Variants in SPAG16 observed in about 807,000 individuals in gnomAD.
SPAG16 encodes the protein sperm associated antigen 16.
Under a neutral mutation model 80.4 loss-of-function variants are expected in SPAG16, and 86 were observed. The ratio of observed to expected loss-of-function variants is 1.07; its 90% CI spans 0.90 to 1.28. SPAG16 has a LOEUF of 1.28. Among genes scored for constraint, SPAG16 ranks in the 50% most tolerant of loss-of-function variants. The pLI is 0.00. For synonymous variants in SPAG16, 294 were observed against 265.9 expected (o/e 1.11, Z -1.03); for missense variants, 870 against 765.3 (o/e 1.14, Z -1.61).
chr2:213,851,298 T>C (rs2074891256), intron 10 of SPAG16, among the ~76,000 whole-genome samples: 1 of 151,996 alleles, frequency 6.6e-6, no homozygotes, highest in African/African-American at 2.4e-5. Flanking sequence ...TTATTTGAGG[T>C]CAGGAGTTCG....
At position 213,461,407 on chromosome 2, in the gene SPAG16, C is replaced by T. The variant is rs747708221; in HGVS notation, c.943-28556C>T. ...AATTTAAACTTTATCCAGTGGATAG[C>T]GGAGTGCCATTCGATGGTAATACAT... On this transcript the variant is annotated intron_variant, in intron 9 of 15. Coordinates refer to ENST00000331683, the MANE Select transcript of SPAG16 (RefSeq NM_024532.5). 5.9e-5 allele frequency among the ~76,000 whole-genome samples: 9 copies of T among 152,166 alleles called. No homozygotes were observed. In the East Asian group the frequency reaches 7.7e-4, roughly 13 times the overall value.
chr2:213,389,430 T>A (rs1012912612), intron 9 of SPAG16, among the ~76,000 whole-genome samples: 8 of 152,064 alleles, frequency 5.3e-5, no homozygotes, highest in African/African-American at 1.9e-4. Flanking sequence ...TTTTAAAATT[T>A]GGGGCATCGA....
intron 12 of SPAG16, among the ~76,000 whole-genome samples, chr2:213,933,195 TA>T (rs143779745): frequency 0.049 from 7,404 of 152,240 alleles, 249 homozygotes; most frequent in African/African-American, 0.091. Context: ...AAAATAGCTA[TA>T]AAAAATAATT....
chr2:214,022,003 C>G (rs2047893349), intron 13 of SPAG16, among the ~76,000 whole-genome samples: 1 of 152,072 alleles, frequency 6.6e-6, no homozygotes, highest in African/African-American at 2.4e-5. Context: ...TTCACCTTCC[C>G]TCCAAAGCTC....
At chr2:213,968,112 C>T (rs1226154186) in intron 12 of SPAG16, among the ~76,000 whole-genome samples, 6 of 148,874 alleles carry the variant, frequency 4.0e-5, no homozygotes, top group Admixed American at 3.4e-4. Flanking sequence ...CTTTTCTTTT[C>T]CTCCCTCCCT....
At position 213,593,746 on chromosome 2, in the gene SPAG16, C is replaced by CTTTTTTTTTT. The variant is rs541949006; in HGVS notation, c.1070+103693_1070+103702dup. ...TCATACCCCATCATCCCCACCACAT[C>CTTTTTTTTTT]TTTTTTTTTTTTTTTTTTTTTTTTT... On this transcript the variant is annotated intron_variant, in intron 10 of 15. Transcript: ENST00000331683. Among the ~76,000 whole-genome samples the CTTTTTTTTTT allele has an allele frequency of 4.0e-5, 2 of 50,192 alleles. 1 individual carries two copies. Among genetic ancestry groups the CTTTTTTTTTT allele is most frequent in the Non-Finnish European group, 1.0e-4 (2 of 19,824 alleles). The allele number at this position is 50,192 out of a possible 152,430, so 32.9% of individuals were successfully genotyped here. A position where few individuals can be genotyped will look rare whatever the true frequency, so the allele number is the denominator to read the frequency against.
intron 15 of SPAG16, among the ~76,000 whole-genome samples, chr2:214,217,559 A>G (rs1011211911): frequency 6.6e-6 from 1 of 152,194 alleles, no homozygotes; most frequent in African/African-American, 2.4e-5. Context: ...AGTTTATCCC[A>G]CCACTCTTAA....
chr2:213,368,145 A>T (rs1249516909), intron 8 of SPAG16, among the ~76,000 whole-genome samples: 1 of 151,726 alleles, frequency 6.6e-6, no homozygotes, highest in Non-Finnish European at 1.5e-5. Context: ...CCATTGGTCT[A>T]TATCTCTGTT....
At chr2:213,565,824 T>A (rs1575997563) in intron 10 of SPAG16, among the ~76,000 whole-genome samples, 1 of 152,246 alleles carries the variant, frequency 6.6e-6, no homozygotes, top group Non-Finnish European at 1.5e-5. Flanking sequence ...ATAGCCCAGA[T>A]GAATGCCAGA....
rs187359613 is a variant in SPAG16, at chr2:213,358,704, C to T, written c.763-5372C>T. On this transcript the variant is annotated intron_variant, in intron 7 of 15. Coordinates refer to ENST00000331683, the MANE Select transcript of SPAG16 (RefSeq NM_024532.5). ...AGCTTCCTTGCGATGGGTTAGACCA[C>T]GCTCCTTTAGCTTGGAGAAGTTTGT... Among the ~76,000 whole-genome samples, 137 of 152,186 alleles carry T rather than the reference C, an allele frequency of 9.0e-4. 1 individual carries two copies. Among genetic ancestry groups the T allele is most frequent in the Non-Finnish European group, 9.3e-4 (63 of 68,016 alleles).
chr2:213,311,370 A>G (rs2063179285), intron 4 of SPAG16, among the ~76,000 whole-genome samples: 1 of 151,740 alleles, frequency 6.6e-6, no homozygotes, highest in Non-Finnish European at 1.5e-5. Context: ...GTGTTCAACA[A>G]TGTGTGTTAG....
chr2:213,925,650 C>G (rs75273100), intron 11 of SPAG16, among the ~76,000 whole-genome samples: 2,196 of 152,210 alleles, frequency 0.014, 60 homozygotes, highest in African/African-American at 0.05. Flanking sequence ...CTATGCCCAG[C>G]CTTGTTCTTG....
At chr2:214,370,009 CT>C (rs2126086159) in intron 15 of SPAG16, among the ~76,000 whole-genome samples, 1 of 152,262 alleles carries the variant, frequency 6.6e-6, no homozygotes, top group East Asian at 1.9e-4. Context: ...CAAAAATGAT[CT>C]GGTCATTGGC....
chr2:213,848,213 C>T (rs1384259946), intron 10 of SPAG16, among the ~76,000 whole-genome samples: 1 of 152,146 alleles, frequency 6.6e-6, no homozygotes, highest in East Asian at 1.9e-4. Flanking sequence ...TTTAGATGCT[C>T]CCTCTGTGCT....
At chr2:214,318,024 T>A (rs1270648057) in intron 15 of SPAG16, among the ~76,000 whole-genome samples, 3 of 152,244 alleles carry the variant, frequency 2.0e-5, no homozygotes, top group African/African-American at 7.2e-5. Context: ...TTGATTCATA[T>A]AATTGTGCTA....
intron 10 of SPAG16, among the ~76,000 whole-genome samples, chr2:213,706,500 T>C (rs1291159341): frequency 6.6e-6 from 1 of 152,208 alleles, no homozygotes; most frequent in Non-Finnish European, 1.5e-5. Context: ...TTAATGCAAT[T>C]CTAAATATTT....
chr2:214,017,489 A>T (rs191662637), intron 13 of SPAG16, among the ~76,000 whole-genome samples: 8 of 152,144 alleles, frequency 5.3e-5, no homozygotes, highest in African/African-American at 1.9e-4. Flanking sequence ...AGGAAAGTCT[A>T]TATCTTATTT....
intron 10 of SPAG16, among the ~76,000 whole-genome samples, chr2:213,780,571 CTTTTTTT>C (rs367744311): frequency 8.0e-6 from 1 of 124,606 alleles, no homozygotes; most frequent in East Asian, 2.3e-4. Flanking sequence ...TCTTTTCTTT[CTTTTTTT>C]TTTTTTTTTT....
intron 10 of SPAG16, among the ~76,000 whole-genome samples, chr2:213,844,755 A>G (rs2074529388): frequency 1.3e-5 from 2 of 152,226 alleles, no homozygotes; most frequent in Non-Finnish European, 2.9e-5. Context: ...GTCTTTACCA[A>G]TGAAAGGAAA....
Sources: gnomAD v4.1 joint callset for allele counts (sites outside exome capture counted in the v4.1 genomes callset) on GRCh38, gnomAD v4.1.1 for gene constraint, MANE v1.5 for transcripts, NCBI Gene and HGNC (gene_info 2026-07-23, HGNC 2026-07-21) for gene names.